Variants in THSD7A observed in about 807,000 individuals in gnomAD.
THSD7A encodes thrombospondin type-1 domain-containing protein 7A.
A neutral mutation model predicts 231.3 loss-of-function variants in THSD7A; 96 were observed. That is an observed-to-expected ratio of 0.41 (90% CI 0.35 to 0.49). The LOEUF (loss-of-function observed/expected upper bound fraction) is 0.49. Ranked by LOEUF, THSD7A falls within the 20% of genes least tolerant of loss-of-function variation. THSD7A has a pLI of 0.05. For synonymous variants in THSD7A, 940 were observed against 743.3 expected (o/e 1.26, Z -4.30); for missense variants, 2,290 against 2,070.2 (o/e 1.11, Z -2.06).
intron 1 of THSD7A, among the ~76,000 whole-genome samples, chr7:11,749,970 G>T (rs1314926048): frequency 6.6e-6 from 1 of 151,282 alleles, no homozygotes; most frequent in Non-Finnish European, 1.5e-5. Context: ...AGTGGCAGTT[G>T]TTAATATAAT....
intron 1 of THSD7A, among the ~76,000 whole-genome samples, chr7:11,772,002 C>T (rs944702887): frequency 6.6e-6 from 1 of 152,158 alleles, no homozygotes; most frequent in African/African-American, 2.4e-5. Context: ...AGAAGTGAAG[C>T]AGGTGCCAGC....
At chr7:11,475,357 C>T (rs1327022557) in intron 7 of THSD7A, among the ~76,000 whole-genome samples, 1 of 151,932 alleles carries the variant, frequency 6.6e-6, no homozygotes, top group Admixed American at 6.6e-5. Flanking sequence ...TGGGGTACTT[C>T]AGGAGATTCT....
intron 1 of THSD7A, among the ~76,000 whole-genome samples, chr7:11,692,928 T>A (rs1780279049): frequency 6.6e-6 from 1 of 151,542 alleles, no homozygotes; most frequent in South Asian, 2.1e-4. Context: ...AAGCCTTCAT[T>A]TAAGTCACTT....
At chr7:11,499,736 T>G (rs1787254295) in intron 6 of THSD7A, among the ~76,000 whole-genome samples, 2 of 152,180 alleles carry the variant, frequency 1.3e-5, no homozygotes, top group South Asian at 4.1e-4. Flanking sequence ...GAAGACTGGT[T>G]CTGTGAAATA....
chr7:11,647,148 T>C (rs911507205), intron 1 of THSD7A, among the ~76,000 whole-genome samples: 1 of 152,056 alleles, frequency 6.6e-6, no homozygotes, highest in Non-Finnish European at 1.5e-5. Flanking sequence ...ACTAAGATTT[T>C]CTTATTCTAC....
At chr7:11,571,796 A>T (rs1790644754) in intron 4 of THSD7A, among the ~76,000 whole-genome samples, 1 of 148,230 alleles carries the variant, frequency 6.7e-6, no homozygotes, top group African/African-American at 2.5e-5. Context: ...ACATGTATGT[A>T]TTGTATCTTT....
chr7:11,426,807 A>G, intron 14 of THSD7A, 136 bp from the exon 15 acceptor site: 1 of 819,630 alleles, frequency 1.2e-6, no homozygotes, highest in East Asian at 2.8e-5. Flanking sequence ...TTTTGGTAAA[A>G]TATTAGAACA....
chr7:11,534,690 C>T (rs1261925767), intron 6 of THSD7A, among the ~76,000 whole-genome samples: 1 of 152,020 alleles, frequency 6.6e-6, no homozygotes, highest in East Asian at 1.9e-4. Context: ...AATACAGAAT[C>T]AATGAAGTCA....
At chr7:11,462,459 T>C (rs1785541873) in intron 9 of THSD7A, among the ~76,000 whole-genome samples, 1 of 152,238 alleles carries the variant, frequency 6.6e-6, no homozygotes, top group African/African-American at 2.4e-5. Context: ...ATGACAGATC[T>C]AATTAATTTA....
Position 11,411,787 on chromosome 7 carries a change from T to A in THSD7A, c.3683-465A>T, listed in dbSNP as rs745863850. The stretch of plus-strand genomic sequence containing the variant: ...TTAGAATGCAAGAAAATGCATACGT[T>A]TATTAAAGTGATAAAAATCACTTTG... On this transcript the variant is annotated intron_variant, in intron 18 of 27. Coordinates refer to ENST00000423059, the MANE Select transcript of THSD7A (RefSeq NM_015204.3). The surrounding 1 kb of genome is among the most constrained non-coding windows in gnomAD (Gnocchi z 4.1). Among the ~76,000 whole-genome samples the A allele has an allele frequency of 1.1e-4, 16 of 152,222 alleles. No individual in the cohort carries two copies. Among genetic ancestry groups the A allele is most frequent in the African/African-American group, 1.4e-4 (6 of 41,446 alleles).
chr7:11,609,199 T>A (rs1000004359), intron 2 of THSD7A, among the ~76,000 whole-genome samples: 1 of 152,080 alleles, frequency 6.6e-6, no homozygotes, highest in African/African-American at 2.4e-5. Context: ...TCCTTCTGAA[T>A]TTCAGGGTTC....
intron 8 of THSD7A, among the ~76,000 whole-genome samples, chr7:11,470,561 A>T (rs1176806777): frequency 6.6e-6 from 1 of 151,828 alleles, no homozygotes; most frequent in Admixed American, 6.6e-5. Flanking sequence ...AAACTGTATA[A>T]ATCAATCTGA....
At chr7:11,714,071 C>T (rs1781052392) in intron 1 of THSD7A, among the ~76,000 whole-genome samples, 1 of 151,064 alleles carries the variant, frequency 6.6e-6, no homozygotes, top group Non-Finnish European at 1.5e-5. Context: ...AATTTTAAAA[C>T]TATTTGTTAA....
At chr7:11,779,511 T>G (rs552248911) in intron 1 of THSD7A, among the ~76,000 whole-genome samples, 7 of 152,332 alleles carry the variant, frequency 4.6e-5, no homozygotes, top group Admixed American at 4.6e-4. Context: ...TCTTCACCCA[T>G]ATGTTTTGCT....
intron 1 of THSD7A, among the ~76,000 whole-genome samples, chr7:11,751,739 G>A: frequency 6.6e-6 from 1 of 151,830 alleles, no homozygotes; most frequent in East Asian, 1.9e-4. Flanking sequence ...ATAGCCTTAA[G>A]TAATTGTTGC....
intron 6 of THSD7A, among the ~76,000 whole-genome samples, chr7:11,508,738 C>T (rs7778721): frequency 0.39 from 59,192 of 152,050 alleles, 11,838 homozygotes; most frequent in Middle Eastern, 0.51. Context: ...GGTATATACT[C>T]ATAGTGGAAT....
chr7:11,829,802 TA>T lies in THSD7A; in HGVS notation c.190+1954del, dbSNP rs36013878. Among the ~76,000 whole-genome samples the T allele has an allele frequency of 3.1e-3, 438 of 142,244 alleles. 1 individual carries two copies. The highest frequency in any genetic ancestry group is 7.1e-3 in the Middle Eastern group (2 of 280). The allele number at this position is 142,244 out of a possible 152,430, so 93.3% of individuals were successfully genotyped here. ...ATATTAAAGTCTCCTTTCCCTTTGG[TA>T]AAAAAAAAAAAATAAAGAAGTCATT... On this transcript the variant is annotated intron_variant, in intron 1 of 27. Transcript: ENST00000423059.
At chr7:11,408,107 G>C (rs548267852) in intron 19 of THSD7A, among the ~76,000 whole-genome samples, 75 of 152,086 alleles carry the variant, frequency 4.9e-4, no homozygotes, top group African/African-American at 1.7e-3. Context: ...TTGGCATTTG[G>C]GTTCCATTAC....
In THSD7A at chr7:11,429,017, C is replaced by T. The variant is rs373848277; in HGVS notation, c.3173G>A (p.Arg1058His). The change falls in exon 14 of 28, where the codon CGT becomes CAT. Residue 1058 changes from arginine (R) to histidine (H), a missense_variant. Transcript: ENST00000423059. ...SKSCGSGVKV[R>H]SKWLREKPYN... ...TGGTTTTTCACGCAGCCATTTAGAA[C>T]GAACCTTCACACCACTCCCACAGGA... 34 of 1,613,018 alleles carry T rather than the reference C, an allele frequency of 2.1e-5. No individual in the cohort carries two copies. The highest frequency in any genetic ancestry group is 1.9e-4 in the African/African-American group (14 of 74,892).
Sources: gnomAD v4.1 joint callset for allele counts (sites outside exome capture counted in the v4.1 genomes callset) on GRCh38, gnomAD v4.1.1 for gene constraint, Gnocchi (gnomAD v3.1) non-coding constraint, MANE v1.5 for transcripts, NCBI Gene and HGNC (gene_info 2026-07-23, HGNC 2026-07-21) for gene names.